GALNT13: variants seen among roughly 807,000 people sequenced by gnomAD.
GALNT13 encodes polypeptide N-acetylgalactosaminyltransferase 13, also known as UDP-GalNAc:polypeptide N-acetylgalactosaminyltransferase 13.
GALNT13 carries 28 observed loss-of-function variants against 64.2 expected under a neutral mutation model. The observed-to-expected ratio is 0.44, with a 90% CI of 0.32 to 0.60. The LOEUF (loss-of-function observed/expected upper bound fraction) is 0.60. GALNT13 is among the 20% of genes least tolerant of loss of function. The pLI, the probability that GALNT13 is intolerant of heterozygous loss-of-function variation, is 0.05. For synonymous variants in GALNT13, 214 were observed against 224.6 expected (o/e 0.95, Z 0.42); for missense variants, 577 against 669.8 (o/e 0.86, Z 1.53).
intron 9 of GALNT13, among the ~76,000 whole-genome samples, chr2:154,386,078 C>T (rs1374032005): frequency 6.6e-6 from 1 of 151,870 alleles, no homozygotes. Flanking sequence ...TGTACTGACT[C>T]TCAATATCTT....
chr2:153,722,790 G>T, the GALNT13 span, among the ~76,000 whole-genome samples: 32 of 152,076 alleles, frequency 2.1e-4, no homozygotes, highest in African/African-American at 6.3e-4. Flanking sequence ...AATAACAGGA[G>T]CTGAAATTGT....
chr2:153,255,517 G>A, the GALNT13 span, among the ~76,000 whole-genome samples: 1 of 151,252 alleles, frequency 6.6e-6, no homozygotes, highest in African/African-American at 2.4e-5. Context: ...TCATTATGAT[G>A]TTAGCTGGTT....
At chr2:153,607,228 C>T in the GALNT13 span, among the ~76,000 whole-genome samples, 2 of 152,004 alleles carry the variant, frequency 1.3e-5, no homozygotes, top group Non-Finnish European at 2.9e-5. Flanking sequence ...AAAAGTTAGG[C>T]AAGCTCCTTA....
At chr2:153,408,771 T>C in the GALNT13 span, among the ~76,000 whole-genome samples, 3 of 152,164 alleles carry the variant, frequency 2.0e-5, no homozygotes, top group Admixed American at 2.0e-4. Flanking sequence ...TGGTTAATAT[T>C]GAGTGTTAAC....
At chr2:153,723,028 G>A in the GALNT13 span, among the ~76,000 whole-genome samples, 1 of 152,016 alleles carries the variant, frequency 6.6e-6, no homozygotes, top group Non-Finnish European at 1.5e-5. Flanking sequence ...CAATATCCTT[G>A]ATGAACATTG....
At chr2:153,234,995 T>C in the GALNT13 span, among the ~76,000 whole-genome samples, 3 of 152,210 alleles carry the variant, frequency 2.0e-5, no homozygotes, top group Admixed American at 6.5e-5. Flanking sequence ...TTTGTTAGTA[T>C]TATATCTGCT....
chr2:154,290,896 C>G (rs1692578963), intron 8 of GALNT13, among the ~76,000 whole-genome samples: 1 of 151,764 alleles, frequency 6.6e-6, no homozygotes, highest in Non-Finnish European at 1.5e-5. Flanking sequence ...GGTGGCGCGT[C>G]TGGAGTTGTT....
chr2:153,789,374 C>G, the GALNT13 span, among the ~76,000 whole-genome samples: 10 of 152,038 alleles, frequency 6.6e-5, no homozygotes, highest in Non-Finnish European at 1.5e-4. Context: ...AGGCAGAAAT[C>G]AAGAAGTTCT....
At chr2:153,367,863 CAATT>C in the GALNT13 span, among the ~76,000 whole-genome samples, 1 of 151,590 alleles carries the variant, frequency 6.6e-6, no homozygotes, top group Non-Finnish European at 1.5e-5. Context: ...TAAAAATTCT[CAATT>C]AATATAAAAG....
At chr2:154,066,502 A>T (rs1405110296) in intron 3 of GALNT13, among the ~76,000 whole-genome samples, 2 of 151,884 alleles carry the variant, frequency 1.3e-5, no homozygotes, top group African/African-American at 2.4e-5. Flanking sequence ...GAGACAAATA[A>T]CATACAATGG....
chr2:153,585,769 G>A, the GALNT13 span, among the ~76,000 whole-genome samples: 1 of 151,846 alleles, frequency 6.6e-6, no homozygotes. Flanking sequence ...GAGTAAGGGA[G>A]GATATATTCA....
chr2:153,377,174 G>A, the GALNT13 span, among the ~76,000 whole-genome samples: 1 of 152,254 alleles, frequency 6.6e-6, no homozygotes. Context: ...TATGGGGAGA[G>A]GCAGCAAGAG....
At chr2:153,745,867 C>A in the GALNT13 span, among the ~76,000 whole-genome samples, 1 of 152,098 alleles carries the variant, frequency 6.6e-6, no homozygotes, top group African/African-American at 2.4e-5. Context: ...GGATTACAGG[C>A]TGGAGCCTCC....
chr2:153,567,065 C>T, the GALNT13 span, among the ~76,000 whole-genome samples: 1 of 152,138 alleles, frequency 6.6e-6, no homozygotes, highest in Non-Finnish European at 1.5e-5. Flanking sequence ...GACTCTTTTG[C>T]TTTTCTTGGT....
At chr2:153,243,563 A>C in the GALNT13 span, among the ~76,000 whole-genome samples, 1 of 144,430 alleles carries the variant, frequency 6.9e-6, no homozygotes, top group Non-Finnish European at 1.5e-5. Context: ...AACAGTTTTA[A>C]CATACAACGT....
chr2:153,238,255 C>G, the GALNT13 span, among the ~76,000 whole-genome samples: 1 of 152,060 alleles, frequency 6.6e-6, no homozygotes, highest in East Asian at 1.9e-4. Flanking sequence ...GGGTAGCTTA[C>G]AAATATTTTC....
the GALNT13 span, among the ~76,000 whole-genome samples, chr2:153,775,620 G>A: frequency 2.6e-5 from 4 of 151,850 alleles, no homozygotes; most frequent in East Asian, 3.9e-4. Context: ...TAAGATTAGG[G>A]ACACTAAGTC....
the GALNT13 span, among the ~76,000 whole-genome samples, chr2:153,655,919 A>G: frequency 6.6e-6 from 1 of 152,102 alleles, no homozygotes; most frequent in Admixed American, 6.6e-5. Flanking sequence ...TTATAATATG[A>G]TCTGAAACAT....
At chr2:153,672,350 G>C in the GALNT13 span, among the ~76,000 whole-genome samples, 2 of 152,128 alleles carry the variant, frequency 1.3e-5, no homozygotes, top group Non-Finnish European at 2.9e-5. Flanking sequence ...ACAACAAACT[G>C]TCTCTCACAC....
Sources: allele counts gnomAD v4.1 joint callset (sites outside exome capture counted in the v4.1 genomes callset), GRCh38; gene constraint gnomAD v4.1.1; transcripts MANE v1.5; gene names NCBI Gene and HGNC (gene_info 2026-07-23, HGNC 2026-07-21).